Variants in GSDMD observed in about 807,000 individuals in gnomAD.
GSDMD encodes gasdermin D, also known as gasdermin-D.
GSDMD carries 46 observed loss-of-function variants against 46.7 expected under a neutral mutation model. The observed-to-expected ratio is 0.99, with a 90% confidence interval of 0.78 to 1.26. The LOEUF (loss-of-function observed/expected upper bound fraction) is 1.26. Ranked by LOEUF, GSDMD falls within the 50% of genes most tolerant of loss-of-function variation. The pLI, the probability that GSDMD is intolerant of heterozygous loss-of-function variation, is 0.00. For synonymous variants in GSDMD, 307 were observed against 283.1 expected, an observed-to-expected ratio of 1.08 and a Z score of -0.85; for missense variants, 649 against 638.8, an observed-to-expected ratio of 1.02 and a Z score of -0.17.
intron 1 of GSDMD, 117 bp downstream of exon 1, chr8:143,558,568 C>T (rs1001826754): frequency 3.9e-5 from 41 of 1,042,058 alleles, no homozygotes; most frequent in Non-Finnish European, 5.2e-5. Flanking sequence ...CAGAAGGCCC[C>T]GCGCCGCACA....
intron 6 of GSDMD, 145 bp downstream of exon 6, chr8:143,561,568 G>A: frequency 1.1e-6 from 1 of 932,928 alleles, no homozygotes; most frequent in East Asian, 2.6e-5. Flanking sequence ...CACACACAAG[G>A]GGCAACACAG....
upstream of GSDMD, among the ~76,000 whole-genome samples, chr8:143,554,609 C>G (rs1219390464): frequency 6.7e-6 from 1 of 149,284 alleles, no homozygotes; most frequent in East Asian, 2.0e-4. Context: ...ACAACGCGCA[C>G]ACAACACTCA....
At chr8:143,559,610 G>T in intron 2 of GSDMD, 58 bp downstream of exon 2, 1 of 1,535,640 alleles carries the variant, frequency 6.5e-7, no homozygotes, top group South Asian at 1.2e-5. Context: ...GAGGGGAGCG[G>T]GCTGGGGCCA....
chr8:143,558,152 CAG>C (rs543273997), upstream of GSDMD: 111 of 630,304 alleles, frequency 1.8e-4, 1 homozygote, highest in African/African-American at 1.9e-3. Flanking sequence ...GGCACAGGCT[CAG>C]AGTTTTAAGA....
At chr8:143,558,226 C>CCGGACG (rs891694475), upstream of GSDMD, 1 of 1,242,688 alleles carries the variant, frequency 8.0e-7, no homozygotes, top group Non-Finnish European at 1.1e-6. Context: ...CAAGGTTCCT[C>CCGGACG]CGGACGCGCG....
At position 143,562,738 on chromosome 8, in the gene GSDMD, A is replaced by G. The variant is rs758094149; in HGVS notation, c.1289A>G (p.Asn430Ser). 1 of 1,587,822 alleles carries G rather than the reference A, an allele frequency of 6.3e-7. No individual in the cohort carries two copies. Among genetic ancestry groups the G allele is most frequent in the Non-Finnish European group, 8.6e-7 (1 of 1,167,196 alleles). Residue 430 changes from asparagine (N) to serine (S), a missense_variant, in exon 11 of 11, where the codon AAC (asparagine) becomes AGC (serine). Asn to Ser is a conservative substitution (Grantham distance 46). Transcript: ENST00000262580. ...TMSLPPGLLG[N>S]SWGEGAPAWV... ...TCCCTGCCCCCCGGGCTCCTGGGGA[A>G]CAGCTGGGGCGAAGGAGCACCGGCC...
chr8:143,558,543 GC>G lies in GSDMD; in HGVS notation c.-5+96del, dbSNP rs886585598. On this transcript the variant is annotated intron_variant, in intron 1 of 10. Transcript: ENST00000262580. ...CCGGGTGGGGGATGCTGGCCCTGCT[GC>G]CCCAGCGTTCGCCCAGAAGGCCCCG... 1.4e-4 allele frequency: 176 copies of G among 1,237,794 alleles called. No homozygotes were observed. The African/African-American group carries it at 2.4e-3, about 17-fold the overall frequency. 76.7% of individuals were successfully genotyped at this position (1,237,794 alleles called of 1,614,324 possible). A position where few individuals can be genotyped will look rare whatever the true frequency, so the allele number is the denominator to read the frequency against.
At position 143,562,956 on chromosome 8, in the gene GSDMD, C is replaced by A; in HGVS notation, c.*52C>A. ...TCTCCAGCAGGGCAGAGTGTTTGCC[C>A]ACCAGCTGCTAGCCCTAGGAAGGCC... On this transcript the variant is annotated 3_prime_UTR_variant, in exon 11 of 11. Coordinates refer to ENST00000262580, the MANE Select transcript of GSDMD (RefSeq NM_024736.7). 1 of 1,606,328 alleles carries A rather than the reference C, an allele frequency of 6.2e-7. No individual in the cohort carries two copies. The highest frequency in any genetic ancestry group is 8.5e-7 in the Non-Finnish European group (1 of 1,178,560).
At position 143,562,524 on chromosome 8, in the gene GSDMD, G is replaced by A. The variant is rs1823491902; in HGVS notation, c.1212+3G>A. ...CCCTGTTGGGGCCGCTCGAGCTGGT[G>A]AGAGGGTTGGGTTCGGGCTGCAGGA... On this transcript the variant is annotated splice_donor_region_variant and intron_variant, in intron 10 of 10. Transcript: ENST00000262580. The A allele has an allele frequency of 1.2e-6, 2 of 1,606,522 alleles. No homozygotes were observed. The highest frequency in any genetic ancestry group is 1.3e-5 in the African/African-American group (1 of 75,054).
upstream of GSDMD, chr8:143,558,033 C>T (rs570547230): frequency 7.2e-4 from 273 of 378,808 alleles, 3 homozygotes; most frequent in South Asian, 3.8e-3. Context: ...TAGCTGGGAT[C>T]ACAGGCATGC....
intron 6 of GSDMD, 118 bp downstream of exon 6, chr8:143,561,541 G>A (rs546736595): frequency 3.3e-4 from 351 of 1,072,872 alleles, no homozygotes; most frequent in Non-Finnish European, 3.8e-4. Context: ...CCCCTGAGGC[G>A]GTGGGCACCC....
In GSDMD at chr8:143,559,602, G is replaced by C. The variant is rs563181440; in HGVS notation, c.217+50G>C. On this transcript the variant is annotated intron_variant, in intron 2 of 10. Coordinates refer to ENST00000262580, the MANE Select transcript of GSDMD (RefSeq NM_024736.7). ...AGCCCCAGGGAGGCTGGATGGGAGA[G>C]GGGAGCGGGCTGGGGCCAACCATCC... The C allele has an allele frequency of 6.2e-4, 967 of 1,562,228 alleles. 13 individuals carry two copies. The South Asian group carries it at 0.01, about 17-fold the overall frequency.
In GSDMD at chr8:143,562,994, G is replaced by A. The variant is rs968998323; in HGVS notation, c.*90G>A. 1 of 1,547,498 alleles carries A rather than the reference G, an allele frequency of 6.5e-7. No individual in the cohort carries two copies. The highest frequency in any genetic ancestry group is 1.1e-5 in the South Asian group (1 of 87,290). ...CCCTAGGAAGGCCAGGAGCCCAGTA[G>A]CCATGTGGCCAGTCTACCATGGGGC... is the stretch of plus-strand genomic sequence containing the variant. On this transcript the variant is annotated 3_prime_UTR_variant, in exon 11 of 11. Coordinates refer to ENST00000262580, the MANE Select transcript of GSDMD (RefSeq NM_024736.7).
chr8:143,561,060 C>A lies in GSDMD; in HGVS notation c.638C>A (p.Thr213Asn). Residue 213 changes from threonine (T) to asparagine (N), a missense_variant, in exon 5 of 11, where the codon ACC (threonine) becomes AAC (asparagine). Coordinates refer to ENST00000262580, the MANE Select transcript of GSDMD (RefSeq NM_024736.7). ...ACGGTCACCATCCCCTCAGGCAGCACCCTCGCATTCCGGGTGGCCCAGCTG... is the reference window on the plus strand; with the variant it reads ...ACGGTCACCATCCCCTCAGGCAGCAACCTCGCATTCCGGGTGGCCCAGCTG... ...KKTVTIPSGS[T>N]LAFRVAQLVI... The A allele has an allele frequency of 6.2e-7, 1 of 1,613,222 alleles. No individual in the cohort carries two copies. The highest frequency in any genetic ancestry group is 8.5e-7 in the Non-Finnish European group (1 of 1,179,980).
At chr8:143,557,059 C>G (rs966248158), upstream of GSDMD, among the ~76,000 whole-genome samples, 1 of 152,260 alleles carries the variant, frequency 6.6e-6, no homozygotes, top group African/African-American at 2.4e-5. Context: ...CTGGACGTGC[C>G]CATTCGGGAC....
Position 143,560,609 on chromosome 8 carries a change from G to A in GSDMD, c.417G>A (p.Leu139=), listed in dbSNP as rs1366716876. ...TGCTGCTCCTCGGACACAGGCACCTGCGGCAGCCAGAACACAAAGTCCTGC... is the reference window on the plus strand; with the variant it reads ...TGCTGCTCCTCGGACACAGGCACCTACGGCAGCCAGAACACAAAGTCCTGC... ...TWQTLLHERH[L]RQPEHKVLQQ... Residue 139 remains leucine, a synonymous_variant, in exon 4 of 11, where the codon CTG becomes CTA. Transcript: ENST00000262580. 5.7e-6 allele frequency: 9 copies of A among 1,581,954 alleles called. No individual in the cohort carries two copies. Among genetic ancestry groups the A allele is most frequent in the Non-Finnish European group, 7.7e-6 (9 of 1,164,310 alleles).
chr8:143,559,309 C>A (rs567060654), intron 1 of GSDMD, 23 bp from the exon 2 acceptor site: 36 of 613,358 alleles, frequency 5.9e-5, no homozygotes, highest in Middle Eastern at 6.5e-4. Flanking sequence ...GAGCACAATG[C>A]CTGACCCATT....
upstream of GSDMD, among the ~76,000 whole-genome samples, chr8:143,556,768 T>C (rs1483357385): frequency 6.6e-6 from 1 of 152,208 alleles, no homozygotes; most frequent in African/African-American, 2.4e-5. Flanking sequence ...CTTAGGTCAG[T>C]AGGGCACTGA....
intron 1 of GSDMD, 109 bp from the exon 2 acceptor site, chr8:143,559,223 C>A: frequency 1.4e-6 from 1 of 725,448 alleles, no homozygotes; most frequent in Non-Finnish European, 2.3e-6. Context: ...CAGGGCTGTT[C>A]TGGAGGGAAG....
Sources: allele counts gnomAD v4.1 joint callset (sites outside exome capture counted in the v4.1 genomes callset), GRCh38; gene constraint gnomAD v4.1.1; transcripts MANE v1.5; gene names NCBI Gene and HGNC (gene_info 2026-07-23, HGNC 2026-07-21).